The following MAST4 variants were observed in gnomAD, a reference collection of about 807,000 sequenced individuals.
MAST4 encodes the protein microtubule associated serine/threonine kinase family member 4, also known as microtubule-associated serine/threonine-protein kinase 4.
MAST4 carries 89 observed loss-of-function variants against 162.7 expected under a neutral mutation model. The ratio of observed to expected loss-of-function variants is 0.55; its 90% confidence interval spans 0.46 to 0.65. The LOEUF is 0.65. MAST4 is among the 30% of genes least tolerant of loss of function. The probability of loss-of-function intolerance (pLI) is 0.00; values close to 1 mark genes in which losing one functional copy is unlikely to be tolerated. For missense variants in MAST4, 3,153 were observed against 3,374.0 expected, an observed-to-expected ratio of 0.93 and a Z score of 1.62; for synonymous variants, 1,479 against 1,361.1, an observed-to-expected ratio of 1.09 and a Z score of -1.91.
intron 3 of MAST4, among the ~76,000 whole-genome samples, chr5:66,889,023 T>G (rs375060935): frequency 6.6e-6 from 1 of 152,216 alleles, no homozygotes; most frequent in East Asian, 1.9e-4. Flanking sequence ...GTGTCTTATA[T>G]CCACTATATT....
intron 1 of MAST4, among the ~76,000 whole-genome samples, chr5:66,678,014 T>C (rs1316573905): frequency 6.6e-6 from 1 of 152,170 alleles, no homozygotes; most frequent in Non-Finnish European, 1.5e-5. Context: ...AGAATCTTCT[T>C]CTATAGGAAT....
At chr5:66,853,408 A>G (rs1759454435) in intron 3 of MAST4, among the ~76,000 whole-genome samples, 1 of 152,182 alleles carries the variant, frequency 6.6e-6, no homozygotes, top group Non-Finnish European at 1.5e-5. Flanking sequence ...AGCTGATGGT[A>G]TTTTTAAAAA....
At chr5:66,891,902 G>A (rs1762387356) in intron 3 of MAST4, among the ~76,000 whole-genome samples, 1 of 152,226 alleles carries the variant, frequency 6.6e-6, no homozygotes, top group African/African-American at 2.4e-5. Flanking sequence ...CGCAAGGGTA[G>A]ATGTATTGTT....
intron 26 of MAST4, among the ~76,000 whole-genome samples, chr5:67,153,783 C>G (rs1225476447): frequency 1.3e-5 from 2 of 152,166 alleles, no homozygotes; most frequent in Non-Finnish European, 2.9e-5. Flanking sequence ...TACTCATTCC[C>G]TAATTTAATT....
chr5:66,991,648 C>T (rs940481589), intron 4 of MAST4, among the ~76,000 whole-genome samples: 4 of 152,122 alleles, frequency 2.6e-5, no homozygotes, highest in South Asian at 2.1e-4. Context: ...TGGATCTTTC[C>T]GAGCCATGAT....
At chr5:66,846,810 C>G (rs1337434141) in intron 3 of MAST4, among the ~76,000 whole-genome samples, 1 of 152,038 alleles carries the variant, frequency 6.6e-6, no homozygotes, top group African/African-American at 2.4e-5. Flanking sequence ...ATCTAAGGGG[C>G]TCATGGAGGT....
rs1749920450 is a variant in MAST4, at chr5:66,990,215, ACTAT to A, written c.675-64187_675-64184del. Among the ~76,000 whole-genome samples the A allele has an allele frequency of 2.6e-5, 4 of 152,324 alleles. No homozygotes were observed. In the South Asian group the frequency reaches 8.3e-4, roughly 32 times the overall value. On this transcript the variant is annotated intron_variant, in intron 4 of 28. Transcript: ENST00000403625. Reference sequence around the variant, plus strand: ...AATTTTAAATACTTAAAAAATACTAACTATCCTAGCAACAGTCCTATGAGGTAAG... The same window carrying A: ...AATTTTAAATACTTAAAAAATACTAACCTAGCAACAGTCCTATGAGGTAAG...
chr5:67,060,837 G>A (rs1046358280), intron 5 of MAST4, among the ~76,000 whole-genome samples: 4 of 152,162 alleles, frequency 2.6e-5, no homozygotes, highest in East Asian at 1.9e-4. Context: ...TGGAAGATGT[G>A]TAGTTGGGCC....
At chr5:66,969,797 C>T (rs1449118290) in intron 4 of MAST4, among the ~76,000 whole-genome samples, 1 of 152,186 alleles carries the variant, frequency 6.6e-6, no homozygotes, top group Non-Finnish European at 1.5e-5. Flanking sequence ...AACCACTAAA[C>T]CCTTTTAGTT....
At chr5:66,974,277 A>G (rs932132759) in intron 4 of MAST4, among the ~76,000 whole-genome samples, 2 of 152,210 alleles carry the variant, frequency 1.3e-5, no homozygotes, top group African/African-American at 4.8e-5. Flanking sequence ...TTTGGTTATC[A>G]TTGAGTCCCT....
chr5:67,138,070 A>G (rs897671313), intron 19 of MAST4, among the ~76,000 whole-genome samples: 2 of 152,194 alleles, frequency 1.3e-5, no homozygotes, highest in African/African-American at 2.4e-5. Flanking sequence ...TTGAGAGCAT[A>G]AACTCCACAG....
At chr5:66,748,436 C>CCTCA (rs1752912023) in intron 1 of MAST4, among the ~76,000 whole-genome samples, 9 of 5,410 alleles carry the variant, frequency 1.7e-3, no homozygotes, top group Non-Finnish European at 2.1e-3. Context: ...TCCCTCCCTC[C>CCTCA]CTCCCTCTCT....
At chr5:66,648,317 G>A (rs1167569302) in intron 1 of MAST4, among the ~76,000 whole-genome samples, 2 of 152,064 alleles carry the variant, frequency 1.3e-5, no homozygotes, top group African/African-American at 2.4e-5. Context: ...CAAAGAAGGA[G>A]CTGAGCAGAA....
intron 1 of MAST4, among the ~76,000 whole-genome samples, chr5:66,712,189 G>T (rs909897480): frequency 2.6e-5 from 4 of 152,224 alleles, no homozygotes; most frequent in Non-Finnish European, 5.9e-5. Context: ...CATACACAAT[G>T]CACACTTATG....
chr5:66,923,157 G>A (rs2150051800), intron 4 of MAST4, among the ~76,000 whole-genome samples: 1 of 152,316 alleles, frequency 6.6e-6, no homozygotes, highest in Non-Finnish European at 1.5e-5. Flanking sequence ...CTTTGAAGCG[G>A]ATTGCTCCCC....
intron 1 of MAST4, among the ~76,000 whole-genome samples, chr5:66,743,765 C>A (rs1323109974): frequency 2.0e-5 from 3 of 152,102 alleles, no homozygotes; most frequent in African/African-American, 7.2e-5. Flanking sequence ...TGCCAGGGGG[C>A]TGCTGGTTTA....
chr5:67,100,408 A>C, intron 7 of MAST4, 27 bp from the exon 8 acceptor site: 1 of 1,612,918 alleles, frequency 6.2e-7, no homozygotes, highest in Non-Finnish European at 8.5e-7. Context: ...TGAGGTAGTT[A>C]TGTGACCTCA....
rs762963632 is a variant in MAST4 at position 67,102,543 on chromosome 5, C to T, written c.1078C>T (p.Arg360Cys). Residue 360 changes from arginine (R) to cysteine (C), a missense_variant, in exon 9 of 29, where the codon CGT becomes TGT. Physicochemically the swap from Arg to Cys is radical, Grantham distance 180. Around this residue, in one of 7 missense-constraint regions of MAST4, gnomAD observed 360 missense variants for 450.0 expected, o/e 0.80. Coordinates refer to ENST00000403625, the MANE Select transcript of MAST4 (RefSeq NM_001164664.2). Reference sequence around the variant, plus strand: ...AATTTGCTTTGCTTGCAGCCCTGGACGTTCTCCCGCCTGCTGTGACCATGA... The same window carrying T: ...AATTTGCTTTGCTTGCAGCCCTGGATGTTCTCCCGCCTGCTGTGACCATGA... The part of the protein sequence containing the change: ...RPRSRSLSPG[R>C]SPACCDHEII... 1.5e-5 allele frequency: 24 copies of T among 1,613,756 alleles called. No individual in the cohort carries two copies. The highest frequency in any genetic ancestry group is 5.5e-5 in the South Asian group (5 of 91,088).
intron 3 of MAST4, among the ~76,000 whole-genome samples, chr5:66,884,754 G>A (rs1342034907): frequency 3.3e-5 from 5 of 152,176 alleles, no homozygotes; most frequent in Non-Finnish European, 7.4e-5. Flanking sequence ...ACGGCTAGCC[G>A]CCTAGACTGC....
Sources: gnomAD v4.1 joint callset for allele counts (sites outside exome capture counted in the v4.1 genomes callset) on GRCh38, gnomAD v4.1.1 for gene constraint, gnomAD v4.1.1 regional missense constraint, MANE v1.5 for transcripts, NCBI Gene and HGNC (gene_info 2026-07-23, HGNC 2026-07-21) for gene names.